Variants in ATXN7L2 observed in about 807,000 individuals in gnomAD.
The protein encoded by ATXN7L2 is ataxin 7 like 2, also known as ataxin-7-like protein 2.
A neutral mutation model predicts 59.6 loss-of-function variants in ATXN7L2; 17 were observed. The ratio of observed to expected loss-of-function variants is 0.29; its 90% CI spans 0.20 to 0.43. The LOEUF is 0.43. ATXN7L2 is among the 20% of genes least tolerant of loss of function. The probability of loss-of-function intolerance (pLI) is 1.00; values close to 1 mark genes in which losing one functional copy is unlikely to be tolerated. For synonymous variants in ATXN7L2, 378 were observed against 392.5 expected, an observed-to-expected ratio of 0.96 and a Z score of 0.44; for missense variants, 858 against 1,008.9, an observed-to-expected ratio of 0.85 and a Z score of 2.03.
intron 1 of ATXN7L2, 77 bp downstream of exon 1, chr1:109,484,157 G>GGGAGCCGCCGACT: frequency 1.6e-6 from 2 of 1,263,406 alleles, no homozygotes; most frequent in East Asian, 3.2e-5. Context: ...GCCAGCTGAG[G>GGGAGCCGCCGACT]GGAGCCGCCG....
At chr1:109,484,619 A>G (rs1656441177) in intron 1 of ATXN7L2, among the ~76,000 whole-genome samples, 1 of 151,828 alleles carries the variant, frequency 6.6e-6, no homozygotes. Context: ...CGGTCCATCC[A>G]TCCATGCCTC....
At position 109,491,727 on chromosome 1, in the gene ATXN7L2, A is replaced by T; in HGVS notation, c.2250+10A>T. The T allele has an allele frequency of 6.3e-7, 1 of 1,575,394 alleles. No individual in the cohort carries two copies. Among genetic ancestry groups the T allele is most frequent in the Admixed American group, 1.8e-5 (1 of 56,274 alleles). On this transcript the variant is annotated intron_variant, in intron 10 of 10. Coordinates refer to ENST00000683729, the MANE Select transcript of ATXN7L2 (RefSeq NM_001350175.2). This position sits in a 1 kb window ranked among gnomAD's most constrained non-coding sequence, Gnocchi z 4.1. ...GTGCTCTACACTGAAGGTACCAGCCAGGCTCCCTGAAGATTGATGAGGGTG... is the reference window on the plus strand; with the variant it reads ...GTGCTCTACACTGAAGGTACCAGCCTGGCTCCCTGAAGATTGATGAGGGTG...
chr1:109,490,220 T>G, intron 8 of ATXN7L2, 51 bp from the exon 9 acceptor site: 1 of 1,602,176 alleles, frequency 6.2e-7, no homozygotes, highest in East Asian at 2.2e-5. Context: ...GTGCAGATGC[T>G]GTCTGTGCAC....
At chr1:109,489,282 G>C in intron 7 of ATXN7L2, 182 bp downstream of exon 7, 1 of 755,344 alleles carries the variant, frequency 1.3e-6, no homozygotes, top group East Asian at 2.7e-5. Flanking sequence ...TTTCCAACCA[G>C]GCATACCACA....
At chr1:109,489,266 C>G in intron 7 of ATXN7L2, 166 bp downstream of exon 7, 1 of 903,472 alleles carries the variant, frequency 1.1e-6, no homozygotes, top group Non-Finnish European at 1.6e-6. Context: ...GCAGGAGACT[C>G]CCCTGTTTCC....
chr1:109,491,602 G>A lies in ATXN7L2; in HGVS notation c.2135G>A (p.Arg712Gln), dbSNP rs916386184. The change falls in exon 10 of 11, where the codon CGG becomes CAG. Residue 712 changes from arginine (R) to glutamine (Q), a missense_variant. Around this residue, in one of 3 missense-constraint regions of ATXN7L2, gnomAD observed 734 missense variants for 862.3 expected, o/e 0.85. Coordinates refer to ENST00000683729, the MANE Select transcript of ATXN7L2 (RefSeq NM_001350175.2). This position sits in a 1 kb window ranked among gnomAD's most constrained non-coding sequence, Gnocchi z 4.1. ...CGGAAAAACCTGGCCACTTATTGCCGGCCAGTGAAGGCCAAGCACTGTCAG... is the reference window on the plus strand; with the variant it reads ...CGGAAAAACCTGGCCACTTATTGCCAGCCAGTGAAGGCCAAGCACTGTCAG... ...KKRKNLATYC[R>Q]PVKAKHCQAG... is the part of the protein sequence containing the mutation. 1.2e-5 allele frequency: 19 copies of A among 1,613,532 alleles called. No individual in the cohort carries two copies. The highest frequency in any genetic ancestry group is 1.7e-5 in the Admixed American group (1 of 59,994).
At chr1:109,490,846 G>A in intron 9 of ATXN7L2, 76 bp from the exon 10 acceptor site, 1 of 1,462,236 alleles carries the variant, frequency 6.8e-7, no homozygotes, top group Non-Finnish European at 9.2e-7. Context: ...GGGGCAGAGA[G>A]ACTGGAGTGT....
Position 109,487,342 on chromosome 1 carries a change from C to T in ATXN7L2, c.509+125C>T, listed in dbSNP as rs1372211609. 8 of 1,179,370 alleles carry T rather than the reference C, an allele frequency of 6.8e-6. No individual in the cohort carries two copies. The South Asian group carries it at 8.9e-5, about 13-fold the overall frequency. The allele number at this position is 1,179,370 out of a possible 1,614,324, so 73.1% of individuals were successfully genotyped here. On this transcript the variant is annotated intron_variant, in intron 4 of 10. Coordinates refer to ENST00000683729, the MANE Select transcript of ATXN7L2 (RefSeq NM_001350175.2). ...CAGCAGGAGGCAGCCGTCCTGTCTGCAGCTTCCTTCCATATATTCCAGGGA... is the reference window on the plus strand; with the variant it reads ...CAGCAGGAGGCAGCCGTCCTGTCTGTAGCTTCCTTCCATATATTCCAGGGA...
At position 109,487,060 on chromosome 1, in the gene ATXN7L2, C is replaced by A; in HGVS notation, c.352C>A (p.Pro118Thr). The A allele has an allele frequency of 6.2e-7, 1 of 1,613,022 alleles. No individual in the cohort carries two copies. Among genetic ancestry groups the A allele is most frequent in the South Asian group, 1.1e-5 (1 of 90,886 alleles). The change falls in exon 4 of 11, where the codon CCA becomes ACA. Residue 118 changes from proline (P) to threonine (T), a missense_variant. Pro to Thr is a conservative substitution (Grantham distance 38). Transcript: ENST00000683729. ...TTATGGCCGGGCCCCACCCCCACCT[C>A]CAGCCCCTGCCAGCTCTCAGAAATG... ...KLYGRAPPPP[P>T]APASSQKCHV...
Position 109,491,755 on chromosome 1 carries a change from GC to G in ATXN7L2, c.2250+39del. On this transcript the variant is annotated intron_variant, in intron 10 of 10. Coordinates refer to ENST00000683729, the MANE Select transcript of ATXN7L2 (RefSeq NM_001350175.2). This position sits in a 1 kb window ranked among gnomAD's most constrained non-coding sequence, Gnocchi z 4.1. ...CTCCCTGAAGATTGATGAGGGTGGG[GC>G]ACACAGGGGGTACCTGATACAGAGA... The G allele has an allele frequency of 6.6e-7, 1 of 1,526,536 alleles. No homozygotes were observed. The highest frequency in any genetic ancestry group is 1.2e-5 in the South Asian group (1 of 80,678). 94.6% of individuals were successfully genotyped at this position (1,526,536 alleles called of 1,614,324 possible). A position where few individuals can be genotyped will look rare whatever the true frequency, so the allele number is the denominator to read the frequency against.
Position 109,491,623 on chromosome 1 carries a change from G to A in ATXN7L2, c.2156G>A (p.Cys719Tyr). ...TGCCGGCCAGTGAAGGCCAAGCACTGTCAGGCTGGTGCCCCTGCTGATGTG... is the reference window on the plus strand; with the variant it reads ...TGCCGGCCAGTGAAGGCCAAGCACTATCAGGCTGGTGCCCCTGCTGATGTG... ...TYCRPVKAKH[C>Y]QAGAPADVAC... Residue 719 changes from cysteine to tyrosine, a missense_variant, in exon 10 of 11, where the codon TGT becomes TAT. Around this residue, in one of 3 missense-constraint regions of ATXN7L2, gnomAD observed 734 missense variants for 862.3 expected, o/e 0.85. Transcript: ENST00000683729. The surrounding 1 kb of genome is among the most constrained non-coding windows in gnomAD (Gnocchi z 4.1). 1 of 1,613,450 alleles carries A rather than the reference G, an allele frequency of 6.2e-7. No homozygotes were observed. Among genetic ancestry groups the A allele is most frequent in the Non-Finnish European group, 8.5e-7 (1 of 1,179,936 alleles).
At chr1:109,484,700 G>C (rs1656447241) in intron 1 of ATXN7L2, among the ~76,000 whole-genome samples, 1 of 152,044 alleles carries the variant, frequency 6.6e-6, no homozygotes, top group South Asian at 2.1e-4. Context: ...ACCTTCTCTA[G>C]GCCCCTGAGT....
chr1:109,491,562 G>A lies in ATXN7L2; in HGVS notation c.2095G>A (p.Glu699Lys). The A allele has an allele frequency of 6.2e-7, 1 of 1,613,992 alleles. No homozygotes were observed. Among genetic ancestry groups the A allele is most frequent in the Non-Finnish European group, 8.5e-7 (1 of 1,180,038 alleles). Residue 699 changes from glutamate to lysine, a missense_variant, in exon 10 of 11, where the codon GAG (glutamate) becomes AAG (lysine). By Grantham distance (56) the Glu-to-Lys change is moderately conservative. This residue lies in a region of ATXN7L2 where 734 missense variants were observed against 862.3 expected (regional missense o/e 0.85). Transcript: ENST00000683729. This position sits in a 1 kb window ranked among gnomAD's most constrained non-coding sequence, Gnocchi z 4.1. ...GCCAACCAACTGCCTCTCTGAGGAG[G>A]AGGTGGCCAAGAAGCGGAAAAACCT... ...ALPTNCLSEE[E>K]VAKKRKNLAT...
At position 109,491,826 on chromosome 1, in the gene ATXN7L2, G is replaced by A. The variant is rs969184557; in HGVS notation, c.2250+109G>A. The stretch of plus-strand genomic sequence containing the variant: ...GTGCAGGGAAAGGGAGGAAGGGGAA[G>A]TTGAGAGAGTTCCTGGACTGTTTTC... On this transcript the variant is annotated intron_variant, in intron 10 of 10. Coordinates refer to ENST00000683729, the MANE Select transcript of ATXN7L2 (RefSeq NM_001350175.2). This position sits in a 1 kb window ranked among gnomAD's most constrained non-coding sequence, Gnocchi z 4.1. 5 of 1,331,204 alleles carry A rather than the reference G, an allele frequency of 3.8e-6. No homozygotes were observed. In the Admixed American group the frequency reaches 8.5e-5, roughly 23 times the overall value. The allele number at this position is 1,331,204 out of a possible 1,614,324, so 82.5% of individuals were successfully genotyped here.
At chr1:109,489,659 G>A in intron 7 of ATXN7L2, 1 of 527,900 alleles carries the variant, frequency 1.9e-6, no homozygotes, top group South Asian at 2.4e-5. Flanking sequence ...TTTTCTGGAG[G>A]AGGCGGATCT....
intron 10 of ATXN7L2, 101 bp from the exon 11 acceptor site, chr1:109,492,485 G>T: frequency 6.7e-7 from 1 of 1,490,718 alleles, no homozygotes. Context: ...GCCAGCAGAA[G>T]GAAATCAAGC....
chr1:109,491,817 G>A lies in ATXN7L2; in HGVS notation c.2250+100G>A, dbSNP rs1262970418. The A allele has an allele frequency of 2.2e-6, 3 of 1,373,778 alleles. No homozygotes were observed. Among genetic ancestry groups the A allele is most frequent in the Non-Finnish European group, 2.9e-6 (3 of 1,034,514 alleles). The allele number at this position is 1,373,778 out of a possible 1,614,324, so 85.1% of individuals were successfully genotyped here. ...TTGGTGTTTGTGCAGGGAAAGGGAG[G>A]AAGGGGAAGTTGAGAGAGTTCCTGG... On this transcript the variant is annotated intron_variant, in intron 10 of 10. Transcript: ENST00000683729. This position sits in a 1 kb window ranked among gnomAD's most constrained non-coding sequence, Gnocchi z 4.1.
Position 109,489,079 on chromosome 1 carries a change from A to G in ATXN7L2, c.1112A>G (p.Tyr371Cys). Residue 371 changes from tyrosine (Y) to cysteine (C), a missense_variant, in exon 7 of 11, where the codon TAC becomes TGC. By Grantham distance (194) the Tyr-to-Cys change is radical. This residue lies in a region of ATXN7L2 where 734 missense variants were observed against 862.3 expected (regional missense o/e 0.85). Coordinates refer to ENST00000683729, the MANE Select transcript of ATXN7L2 (RefSeq NM_001350175.2). Reference sequence around the variant, plus strand: ...TTCTCTGTTCGTGCCAAGCAGACCTACCCATACTGTGCACTGCCCAGGTAC... The same window carrying G: ...TTCTCTGTTCGTGCCAAGCAGACCTGCCCATACTGTGCACTGCCCAGGTAC... ...STFSVRAKQT[Y>C]PYCALPRSRA... 1 of 1,614,030 alleles carries G rather than the reference A, an allele frequency of 6.2e-7. No individual in the cohort carries two copies. The highest frequency in any genetic ancestry group is 8.5e-7 in the Non-Finnish European group (1 of 1,179,942).
rs1032712508 is a variant in ATXN7L2, at chr1:109,487,562, C to T, written c.554C>T (p.Pro185Leu). ...AATCTGGAGAAGATGTCCAGTCTCC[C>T]GAAGCCTGATGGACATGGAATCAGG... ...VVNLEKMSSLPKPDGHGIRVA... is the reference protein window; with the variant it reads ...VVNLEKMSSLLKPDGHGIRVA... The change falls in exon 5 of 11, where the codon CCG becomes CTG. Residue 185 changes from proline (P) to leucine (L), a missense_variant. Pro to Leu is a moderately conservative substitution (Grantham distance 98). This residue lies in a region of ATXN7L2 where 734 missense variants were observed against 862.3 expected (regional missense o/e 0.85). Transcript: ENST00000683729. The T allele has an allele frequency of 4.6e-6, 7 of 1,523,882 alleles. No individual in the cohort carries two copies. Among genetic ancestry groups the T allele is most frequent in the African/African-American group, 2.8e-5 (2 of 71,584 alleles). 94.4% of individuals were successfully genotyped at this position (1,523,882 alleles called of 1,614,324 possible).
Sources: gnomAD v4.1 joint callset for allele counts (sites outside exome capture counted in the v4.1 genomes callset) on GRCh38, gnomAD v4.1.1 for gene constraint, gnomAD v4.1.1 regional missense constraint, Gnocchi (gnomAD v3.1) non-coding constraint, MANE v1.5 for transcripts, NCBI Gene and HGNC (gene_info 2026-07-23, HGNC 2026-07-21) for gene names.